NPAS3: variants seen among roughly 807,000 people sequenced by gnomAD.
NPAS3 encodes the protein neuronal PAS domain-containing protein 3.
A neutral mutation model predicts 73.1 loss-of-function variants in NPAS3; 14 were observed. The observed-to-expected ratio is 0.19, with a 90% CI of 0.13 to 0.30. The LOEUF (loss-of-function observed/expected upper bound fraction) is 0.30. Ranked by LOEUF, NPAS3 falls within the 10% of genes least tolerant of loss-of-function variation. The probability of loss-of-function intolerance (pLI) is 1.00; values close to 1 mark genes in which losing one functional copy is unlikely to be tolerated. For missense variants in NPAS3, 1,096 were observed against 1,250.0 expected, an observed-to-expected ratio of 0.88 and a Z score of 1.86; for synonymous variants, 620 against 541.5, an observed-to-expected ratio of 1.14 and a Z score of -2.01.
intron 2 of NPAS3, among the ~76,000 whole-genome samples, chr14:33,136,263 G>C (rs934508426): frequency 6.6e-6 from 1 of 152,030 alleles, no homozygotes; most frequent in Non-Finnish European, 1.5e-5. Context: ...GTTTCACCAT[G>C]TTGGCCAGGC....
chr14:33,083,951 C>T (rs2041942200), intron 2 of NPAS3, among the ~76,000 whole-genome samples: 1 of 152,202 alleles, frequency 6.6e-6, no homozygotes, highest in Non-Finnish European at 1.5e-5. Flanking sequence ...TTGATCATCT[C>T]ATCCTTTAAG....
intron 2 of NPAS3, among the ~76,000 whole-genome samples, chr14:33,122,183 G>A (rs2043254485): frequency 6.6e-6 from 1 of 152,138 alleles, no homozygotes; most frequent in Non-Finnish European, 1.5e-5. Flanking sequence ...TGATTCTGGA[G>A]CAGACATGCT....
At chr14:33,013,290 A>T (rs566842320) in intron 1 of NPAS3, among the ~76,000 whole-genome samples, 2 of 152,334 alleles carry the variant, frequency 1.3e-5, no homozygotes, top group African/African-American at 4.8e-5. Flanking sequence ...AAAGGTTTAC[A>T]GCAGATTCTC....
intron 2 of NPAS3, among the ~76,000 whole-genome samples, chr14:33,101,997 G>T (rs962123097): frequency 2.6e-5 from 4 of 152,026 alleles, no homozygotes; most frequent in African/African-American, 9.7e-5. Context: ...GTTGCATCAG[G>T]CAGTAATCCT....
chr14:33,778,024 T>C (rs2062873966), intron 8 of NPAS3, among the ~76,000 whole-genome samples: 1 of 152,242 alleles, frequency 6.6e-6, no homozygotes, highest in South Asian at 2.1e-4. Flanking sequence ...GAAGCCCTTT[T>C]TCATGGAAAT....
At chr14:33,715,629 T>G (rs2060937051) in intron 6 of NPAS3, among the ~76,000 whole-genome samples, 1 of 152,226 alleles carries the variant, frequency 6.6e-6, no homozygotes, top group Non-Finnish European at 1.5e-5. Context: ...ATGCTTAATT[T>G]GGGCTACGAT....
chr14:33,708,344 G>A (rs1182718750), intron 6 of NPAS3, among the ~76,000 whole-genome samples: 1 of 152,156 alleles, frequency 6.6e-6, no homozygotes, highest in African/African-American at 2.4e-5. Context: ...TGGTGGGTGT[G>A]ATACATTTTG....
intron 5 of NPAS3, among the ~76,000 whole-genome samples, chr14:33,674,604 G>C (rs920196776): frequency 6.6e-6 from 1 of 152,134 alleles, no homozygotes; most frequent in Admixed American, 6.5e-5. Context: ...TGTGAATCCC[G>C]ATTTACGCTC....
At chr14:33,458,990 C>G (rs1307736697) in intron 4 of NPAS3, among the ~76,000 whole-genome samples, 1 of 152,186 alleles carries the variant, frequency 6.6e-6, no homozygotes, top group Admixed American at 6.5e-5. Context: ...CCAAAGGCTG[C>G]TGGTTGCCCA....
intron 4 of NPAS3, among the ~76,000 whole-genome samples, chr14:33,494,405 G>A (rs906373012): frequency 4.6e-5 from 7 of 152,210 alleles, no homozygotes; most frequent in South Asian, 2.1e-4. Flanking sequence ...AGAAGGCTAC[G>A]CCTTCCACAA....
intron 6 of NPAS3, among the ~76,000 whole-genome samples, chr14:33,713,653 C>T (rs1387842389): frequency 1.3e-5 from 2 of 152,222 alleles, no homozygotes; most frequent in Non-Finnish European, 2.9e-5. Flanking sequence ...GTCACCACCA[C>T]CATCTCACCC....
intron 7 of NPAS3, among the ~76,000 whole-genome samples, chr14:33,753,770 C>G (rs1210455570): frequency 1.3e-5 from 2 of 152,150 alleles, no homozygotes; most frequent in Non-Finnish European, 2.9e-5. Context: ...TTTTCCTAAG[C>G]TTTTATTTCC....
chr14:33,486,494 A>G (rs779070404), intron 4 of NPAS3, among the ~76,000 whole-genome samples: 3 of 152,202 alleles, frequency 2.0e-5, no homozygotes, highest in Non-Finnish European at 2.9e-5. Context: ...GGGGAAGGAC[A>G]GTGGCTAAGT....
intron 4 of NPAS3, among the ~76,000 whole-genome samples, chr14:33,438,192 G>A (rs1192752050): frequency 6.6e-6 from 1 of 152,188 alleles, no homozygotes; most frequent in Non-Finnish European, 1.5e-5. Context: ...AAATGATAAT[G>A]TGATTTCATG....
At chr14:33,264,071 A>C (rs1208257143) in intron 3 of NPAS3, among the ~76,000 whole-genome samples, 1 of 152,204 alleles carries the variant, frequency 6.6e-6, no homozygotes, top group Non-Finnish European at 1.5e-5. Flanking sequence ...GCACATATGC[A>C]CCATGGAATA....
chr14:33,043,397 A>G (rs1235410051), intron 1 of NPAS3, among the ~76,000 whole-genome samples: 6 of 152,122 alleles, frequency 3.9e-5, no homozygotes, highest in Non-Finnish European at 7.4e-5. Flanking sequence ...GTTCCCTCCA[A>G]TGAATTGTTG....
At chr14:33,313,654 A>G (rs957491010) in intron 3 of NPAS3, among the ~76,000 whole-genome samples, 1 of 152,062 alleles carries the variant, frequency 6.6e-6, no homozygotes, top group Non-Finnish European at 1.5e-5. Flanking sequence ...TAAGAGGCCA[A>G]TTGAAATTAT....
At chr14:33,427,071 C>T (rs1332013458) in intron 4 of NPAS3, among the ~76,000 whole-genome samples, 2 of 152,032 alleles carry the variant, frequency 1.3e-5, no homozygotes, top group East Asian at 3.9e-4. Context: ...AGATAGAACA[C>T]TGACTTTTAT....
chr14:33,227,704 C>T (rs1422735766), intron 3 of NPAS3, among the ~76,000 whole-genome samples: 1 of 152,192 alleles, frequency 6.6e-6, no homozygotes, highest in African/African-American at 2.4e-5. Flanking sequence ...AGTACCATCA[C>T]AATGGGGATT....
Sources: gnomAD v4.1 joint callset for allele counts (sites outside exome capture counted in the v4.1 genomes callset) on GRCh38, gnomAD v4.1.1 for gene constraint, MANE v1.5 for transcripts, NCBI Gene and HGNC (gene_info 2026-07-23, HGNC 2026-07-21) for gene names.